KIAA1958: variants seen among roughly 807,000 people sequenced by gnomAD.
KIAA1958 encodes uncharacterized protein KIAA1958.
In KIAA1958, 14 loss-of-function variants were observed where a neutral mutation model predicts 47.2. The ratio of observed to expected loss-of-function variants is 0.30; its 90% CI spans 0.20 to 0.46. The LOEUF is 0.46. KIAA1958 is among the 20% of genes least tolerant of loss of function. The pLI, the probability that KIAA1958 is intolerant of heterozygous loss-of-function variation, is 1.00. For synonymous variants in KIAA1958, 354 were observed against 353.3 expected, an observed-to-expected ratio of 1.00 and a Z score of -0.02; for missense variants, 803 against 909.2, an observed-to-expected ratio of 0.88 and a Z score of 1.50.
rs1412651002 is a variant in KIAA1958, at chr9:112,666,387, G to A, written c.*6318G>A. 6.6e-6 allele frequency: 1 copy of A among 152,018 alleles called. No homozygotes were observed. The highest frequency in any genetic ancestry group is 1.9e-4 in the East Asian group (1 of 5,182). 9.4% of individuals were successfully genotyped at this position (152,018 alleles called of 1,614,324 possible). A position where few individuals can be genotyped will look rare whatever the true frequency, so the allele number is the denominator to read the frequency against. The stretch of plus-strand genomic sequence containing the variant: ...CATTTTATCAATAAGGAAATTTAAG[G>A]CCAGAGATATTAAAGGGCCCATCCA... On this transcript the variant is annotated 3_prime_UTR_variant, in exon 4 of 4. Coordinates refer to ENST00000337530, the MANE Select transcript of KIAA1958 (RefSeq NM_133465.4).
intron 1 of KIAA1958, among the ~76,000 whole-genome samples, chr9:112,567,286 G>A (rs899489871): frequency 3.3e-4 from 51 of 152,280 alleles, no homozygotes; most frequent in Non-Finnish European, 2.9e-5. Context: ...AAGATCAAGA[G>A]TATATCTTTC....
chr9:112,580,609 A>G (rs887860711), intron 2 of KIAA1958, among the ~76,000 whole-genome samples: 12 of 152,146 alleles, frequency 7.9e-5, no homozygotes, highest in Admixed American at 7.9e-4. Flanking sequence ...CAACATGGTG[A>G]AACCCCATCT....
chr9:112,524,084 A>T (rs898015981), intron 1 of KIAA1958, among the ~76,000 whole-genome samples: 2 of 152,208 alleles, frequency 1.3e-5, no homozygotes, highest in Non-Finnish European at 2.9e-5. Flanking sequence ...ATATCTCCAC[A>T]TACCCAGAAG....
chr9:112,604,885 C>CTA (rs775754318), intron 2 of KIAA1958, among the ~76,000 whole-genome samples: 12 of 146,658 alleles, frequency 8.2e-5, no homozygotes, highest in South Asian at 2.1e-4. Context: ...GGCGTGGACA[C>CTA]TATATATATA....
intron 2 of KIAA1958, among the ~76,000 whole-genome samples, chr9:112,637,615 A>T (rs1464234752): frequency 6.6e-6 from 1 of 151,864 alleles, no homozygotes; most frequent in Non-Finnish European, 1.5e-5. Context: ...AAACCTCGTG[A>T]TCTGCCCACC....
At chr9:112,616,638 A>G (rs1836412205) in intron 2 of KIAA1958, among the ~76,000 whole-genome samples, 1 of 152,184 alleles carries the variant, frequency 6.6e-6, no homozygotes, top group Non-Finnish European at 1.5e-5. Flanking sequence ...TCAATAGCGT[A>G]GCCTGTTTCT....
At chr9:112,646,991 A>T (rs1307084022) in intron 3 of KIAA1958, among the ~76,000 whole-genome samples, 1 of 152,222 alleles carries the variant, frequency 6.6e-6, no homozygotes, top group Non-Finnish European at 1.5e-5. Context: ...TTGCAAATAG[A>T]GGTCATAGTT....
intron 1 of KIAA1958, among the ~76,000 whole-genome samples, chr9:112,566,958 A>T (rs1046169292): frequency 1.3e-5 from 2 of 152,202 alleles, no homozygotes; most frequent in African/African-American, 4.8e-5. Flanking sequence ...GATGATTAAT[A>T]ATATGCTCAT....
intron 2 of KIAA1958, among the ~76,000 whole-genome samples, chr9:112,640,802 G>A (rs550038962): frequency 6.1e-4 from 93 of 152,160 alleles, no homozygotes; most frequent in African/African-American, 2.0e-3. Flanking sequence ...TAATACCAGC[G>A]ACTTCATCAT....
intron 1 of KIAA1958, among the ~76,000 whole-genome samples, chr9:112,568,981 A>T (rs550383829): frequency 2.8e-5 from 4 of 144,680 alleles, no homozygotes; most frequent in African/African-American, 1.0e-4. Context: ...ACATATGACA[A>T]TGTGTGTTAC....
intron 1 of KIAA1958, among the ~76,000 whole-genome samples, chr9:112,549,465 C>T (rs1462203494): frequency 1.3e-5 from 2 of 152,212 alleles, no homozygotes; most frequent in Non-Finnish European, 2.9e-5. Context: ...TGTCTTCACT[C>T]ATTGTTTATG....
chr9:112,622,640 T>G (rs771967313), intron 2 of KIAA1958, among the ~76,000 whole-genome samples: 44 of 152,242 alleles, frequency 2.9e-4, no homozygotes, highest in Non-Finnish European at 5.9e-4. Flanking sequence ...TTTTTCCCTA[T>G]GGTTAAATTT....
At chr9:112,523,057 G>A (rs1834576261) in intron 1 of KIAA1958, among the ~76,000 whole-genome samples, 1 of 152,200 alleles carries the variant, frequency 6.6e-6, no homozygotes, top group Non-Finnish European at 1.5e-5. Context: ...TCTACCCACA[G>A]CACAGCTAGA....
chr9:112,571,011 A>C (rs548051851), intron 1 of KIAA1958, among the ~76,000 whole-genome samples: 1 of 152,344 alleles, frequency 6.6e-6, no homozygotes, highest in East Asian at 1.9e-4. Flanking sequence ...AGCCTATGCT[A>C]GCTCTCAGAG....
At chr9:112,570,317 A>G (rs1295841809) in intron 1 of KIAA1958, among the ~76,000 whole-genome samples, 1 of 152,176 alleles carries the variant, frequency 6.6e-6, no homozygotes, top group Non-Finnish European at 1.5e-5. Flanking sequence ...CTATACGTGA[A>G]GGGGCAGAAG....
intron 1 of KIAA1958, among the ~76,000 whole-genome samples, chr9:112,573,625 GGGTGTCATT>G (rs1344781144): frequency 6.6e-6 from 1 of 152,118 alleles, no homozygotes; most frequent in East Asian, 1.9e-4. Flanking sequence ...TGATGACAAA[GGGTGTCATT>G]GGAGCTGCAT....
At chr9:112,636,494 A>G (rs1836806421) in intron 2 of KIAA1958, among the ~76,000 whole-genome samples, 1 of 152,136 alleles carries the variant, frequency 6.6e-6, no homozygotes, top group South Asian at 2.1e-4. Flanking sequence ...TCTCTTAATC[A>G]TAGATTTGCC....
In KIAA1958 at chr9:112,528,786, T is replaced by C. The variant is rs1027073938; in HGVS notation, c.-25+41668T>C. On this transcript the variant is annotated intron_variant, in intron 1 of 3. Coordinates refer to ENST00000337530, the MANE Select transcript of KIAA1958 (RefSeq NM_133465.4). ...CGCCCACCTCAGCCTCCTAAGGTGC[T>C]GGGATCACAGGTGTGAGCTACCGCA... Among the ~76,000 whole-genome samples, 3 of 152,212 alleles carry C rather than the reference T, an allele frequency of 2.0e-5. No homozygotes were observed. The East Asian group carries it at 5.8e-4, about 29-fold the overall frequency.
In KIAA1958 at chr9:112,637,127, T is replaced by C. The variant is rs138921234; in HGVS notation, c.1172-8523T>C. Among the ~76,000 whole-genome samples the C allele has an allele frequency of 3.1e-3, 472 of 152,292 alleles. 1 individual carries two copies. Among genetic ancestry groups the C allele is most frequent in the African/African-American group, 0.011 (449 of 41,582 alleles). The stretch of plus-strand genomic sequence containing the variant: ...CAAAACTAGCTTCAGTTACCCTTAT[T>C]TGTGTTATTATAATGTTAATTCTGT... On this transcript the variant is annotated intron_variant, in intron 2 of 3. Transcript: ENST00000337530.
Sources: allele counts gnomAD v4.1 joint callset (sites outside exome capture counted in the v4.1 genomes callset), GRCh38; gene constraint gnomAD v4.1.1; transcripts MANE v1.5; gene names NCBI Gene and HGNC (gene_info 2026-07-23, HGNC 2026-07-21).